The following DNMT1 variants were observed in gnomAD, a reference collection of about 807,000 sequenced individuals.
DNMT1 encodes DNA methyltransferase 1, also known as DNA (cytosine-5)-methyltransferase 1.
DNMT1 carries 24 observed loss-of-function variants against 205.3 expected under a neutral mutation model. The observed-to-expected ratio is 0.12, with a 90% CI of 0.08 to 0.16. DNMT1 has a LOEUF of 0.16. Among genes scored for constraint, DNMT1 ranks in the 10% least tolerant of loss-of-function variants. The pLI, the probability that DNMT1 is intolerant of heterozygous loss-of-function variation, is 1.00. For missense variants in DNMT1, 1,293 were observed against 2,177.7 expected, an observed-to-expected ratio of 0.59 and a Z score of 8.09; for synonymous variants, 817 against 839.8, an observed-to-expected ratio of 0.97 and a Z score of 0.47.
intron 27 of DNMT1, among the ~76,000 whole-genome samples, chr19:10,148,375 A>T (rs1237772541): frequency 6.6e-6 from 1 of 150,908 alleles, no homozygotes; most frequent in Non-Finnish European, 1.5e-5. Context: ...AGGCGCCTGT[A>T]GTCCCAGCAA....
chr19:10,149,152 C>T (rs2038275470), intron 26 of DNMT1, 135 bp from the exon 27 acceptor site: 8 of 1,273,128 alleles, frequency 6.3e-6, no homozygotes, highest in Admixed American at 2.0e-5. Flanking sequence ...GGTGAAACCC[C>T]GTCTCTACTA....
rs779490963 is a variant in DNMT1 at position 10,138,550 on chromosome 19, G to A, written c.4004C>T (p.Ala1335Val). ...GAACAGAGGGAGCTTCTCTCCAGGG[G>A]CCGCGGCCAGGATGATGGCCCGCCT... ...TRRRAIILAAAPGEKLPLFPE... is the reference protein window; with the variant it reads ...TRRRAIILAAVPGEKLPLFPE... Residue 1335 changes from alanine (A) to valine (V), a missense_variant, in exon 35 of 41, where the codon GCC becomes GTC. Physicochemically the swap from Ala to Val is moderately conservative, Grantham distance 64. Coordinates refer to ENST00000359526, the MANE Select transcript of DNMT1 (RefSeq NM_001130823.3). The surrounding 1 kb of genome is among the most constrained non-coding windows in gnomAD (Gnocchi z 4.1). 6.2e-7 allele frequency: 1 copy of A among 1,611,128 alleles called. No homozygotes were observed.
intron 40 of DNMT1, 36 bp downstream of exon 40, chr19:10,134,181 C>A: frequency 6.2e-7 from 1 of 1,612,246 alleles, no homozygotes. Context: ...AGAGGGCAGT[C>A]AGGCCCCAGA....
Position 10,159,322 on chromosome 19 carries a change from T to G in DNMT1, c.1280+336A>C, listed in dbSNP as rs1343335471. On this transcript the variant is annotated intron_variant, in intron 17 of 40. Coordinates refer to ENST00000359526, the MANE Select transcript of DNMT1 (RefSeq NM_001130823.3). The surrounding 1 kb of genome is among the most constrained non-coding windows in gnomAD (Gnocchi z 5.0). ...CCTCCGCCTCCAGAGTTCAAGAAAT[T>G]CTCCTGCCTAAGCCTCTCGAGTAGT... is the stretch of plus-strand genomic sequence containing the variant. Among the ~76,000 whole-genome samples the G allele has an allele frequency of 6.6e-6, 1 of 152,054 alleles. No individual in the cohort carries two copies. Among genetic ancestry groups the G allele is most frequent in the Non-Finnish European group, 1.5e-5 (1 of 68,018 alleles).
Position 10,134,209 on chromosome 19 carries a change from C to T in DNMT1, c.4864+8G>A. 6.2e-7 allele frequency: 1 copy of T among 1,614,194 alleles called. No homozygotes were observed. The highest frequency in any genetic ancestry group is 8.5e-7 in the Non-Finnish European group (1 of 1,180,038). ...GCCCCAGAGGAAGCCTGGCCCACCC[C>T]ACCATACCTGAGGCACTCTCTCGGG... On this transcript the variant is annotated splice_region_variant and intron_variant, in intron 40 of 40. Transcript: ENST00000359526.
chr19:10,144,047 C>A, intron 28 of DNMT1, 60 bp from the exon 29 acceptor site: 1 of 1,514,430 alleles, frequency 6.6e-7, no homozygotes, highest in Non-Finnish European at 9.2e-7. Flanking sequence ...GTCAGTCAGG[C>A]ATGACTGACC....
intron 17 of DNMT1, among the ~76,000 whole-genome samples, chr19:10,158,862 G>A (rs2038510177): frequency 6.6e-6 from 1 of 152,178 alleles, no homozygotes; most frequent in African/African-American, 2.4e-5. Context: ...CCCCACCCCG[G>A]CCATCCCCTC....
At chr19:10,149,297 C>G (rs942248413) in intron 26 of DNMT1, among the ~76,000 whole-genome samples, 156 bp downstream of exon 26, 36 of 150,742 alleles carry the variant, frequency 2.4e-4, no homozygotes, top group Non-Finnish European at 4.4e-4. Flanking sequence ...TGCACTCCAG[C>G]CTGGGCAACA....
chr19:10,142,998 A>G (rs1436566967), intron 29 of DNMT1: 1 of 153,486 alleles, frequency 6.5e-6, no homozygotes, highest in South Asian at 2.0e-4. Flanking sequence ...GAGGTGAGGC[A>G]AGTGTATAGC....
chr19:10,134,407 G>A, intron 39 of DNMT1, 100 bp from the exon 40 acceptor site: 1 of 1,078,520 alleles, frequency 9.3e-7, no homozygotes, highest in Non-Finnish European at 1.4e-6. Flanking sequence ...GGACAACCTG[G>A]GCATTGCACC....
At position 10,156,217 on chromosome 19, in the gene DNMT1, AT is replaced by A. The variant is rs566279258; in HGVS notation, c.1399+173del. ...TGTATACTATATATATATGCTATAT[AT>A]TTTTTTTTAATAGAGGCAGGCTCTT... On this transcript the variant is annotated intron_variant, in intron 18 of 40. Transcript: ENST00000359526. This position sits in a 1 kb window ranked among gnomAD's most constrained non-coding sequence, Gnocchi z 4.2. Among the ~76,000 whole-genome samples the A allele has an allele frequency of 8.0e-5, 12 of 149,998 alleles. No homozygotes were observed. The highest frequency in any genetic ancestry group is 5.8e-4 in the East Asian group (3 of 5,144).
At position 10,146,532 on chromosome 19, in the gene DNMT1, A is replaced by C. The variant is rs2038207511; in HGVS notation, c.2721-8T>G. 6.2e-7 allele frequency: 1 copy of C among 1,613,852 alleles called. No homozygotes were observed. ...GCACAGCTCACACAGAATCTGAAGG[A>C]AACAAAGGGACAGAAACATAAGGCC... On this transcript the variant is annotated splice_polypyrimidine_tract_variant and splice_region_variant and intron_variant, in intron 27 of 40. Transcript: ENST00000359526. The surrounding 1 kb of genome is among the most constrained non-coding windows in gnomAD (Gnocchi z 4.4).
Position 10,140,129 on chromosome 19 carries a change from G to A in DNMT1, c.3723C>T (p.Pro1241=), listed in dbSNP as rs1313894329. The part of the protein sequence containing the change: ...GDVEMLCGGP[P]CQGFSGMNRF... Reference sequence around the variant, plus strand: ...GGTTCATGCCGCTGAAGCCCTGGCAGGGCGGCCCGCCGCACAGCATCTCCA... The same window carrying A: ...GGTTCATGCCGCTGAAGCCCTGGCAAGGCGGCCCGCCGCACAGCATCTCCA... The change falls in exon 33 of 41, where the codon CCC becomes CCT. Residue 1241 remains proline (P), a synonymous_variant. Transcript: ENST00000359526. This position sits in a 1 kb window ranked among gnomAD's most constrained non-coding sequence, Gnocchi z 8.4. 1.1e-5 allele frequency: 17 copies of A among 1,613,842 alleles called. No homozygotes were observed. The highest frequency in any genetic ancestry group is 1.7e-5 in the Admixed American group (1 of 60,004).
intron 11 of DNMT1, among the ~76,000 whole-genome samples, chr19:10,163,898 A>G (rs1042974230): frequency 6.6e-6 from 1 of 152,084 alleles, no homozygotes; most frequent in Admixed American, 6.6e-5. Flanking sequence ...CTATATATAT[A>G]TATGACACAG....
chr19:10,145,011 T>C (rs1337012650), intron 28 of DNMT1, among the ~76,000 whole-genome samples: 1 of 152,174 alleles, frequency 6.6e-6, no homozygotes, highest in African/African-American at 2.4e-5. Context: ...GCTTCTGTGG[T>C]TTTAAGTCAC....
intron 27 of DNMT1, among the ~76,000 whole-genome samples, chr19:10,148,584 A>C (rs1319176870): frequency 6.6e-6 from 1 of 150,474 alleles, no homozygotes; most frequent in Non-Finnish European, 1.5e-5. Context: ...AACAGCCAAA[A>C]ACATGCAAGA....
At chr19:10,141,015 A>C in intron 31 of DNMT1, 90 bp downstream of exon 31, 1 of 1,613,302 alleles carries the variant, frequency 6.2e-7, no homozygotes, top group Non-Finnish European at 8.5e-7. Flanking sequence ...AGAGTCAGTA[A>C]CACCAGAGGT....
At chr19:10,155,432 G>C (rs2038436785) in intron 19 of DNMT1, among the ~76,000 whole-genome samples, 1 of 152,046 alleles carries the variant, frequency 6.6e-6, no homozygotes, top group African/African-American at 2.4e-5. Flanking sequence ...CTGTCTGCTG[G>C]GTTCACGTGA....
chr19:10,137,424 G>T lies in DNMT1; in HGVS notation c.4294-144C>A. The T allele has an allele frequency of 1.8e-6, 2 of 1,086,432 alleles. No homozygotes were observed. The highest frequency in any genetic ancestry group is 2.6e-6 in the Non-Finnish European group (2 of 759,958). The allele number at this position is 1,086,432 out of a possible 1,614,324, so 67.3% of individuals were successfully genotyped here. On this transcript the variant is annotated intron_variant, in intron 36 of 40. Coordinates refer to ENST00000359526, the MANE Select transcript of DNMT1 (RefSeq NM_001130823.3). This position sits in a 1 kb window ranked among gnomAD's most constrained non-coding sequence, Gnocchi z 6.4. ...CGGGAAAGAGACAGTCAGGGATATC[G>T]CACTTGGCTCGAGGCCACGGCAGGG...
Sources: gnomAD v4.1 joint callset for allele counts (sites outside exome capture counted in the v4.1 genomes callset) on GRCh38, gnomAD v4.1.1 for gene constraint, Gnocchi (gnomAD v3.1) non-coding constraint, MANE v1.5 for transcripts, NCBI Gene and HGNC (gene_info 2026-07-23, HGNC 2026-07-21) for gene names.